The following SEPTIN9 variants were observed in gnomAD, a reference collection of about 807,000 sequenced individuals.
SEPTIN9 encodes the protein septin-9.
A neutral mutation model predicts 56.6 loss-of-function variants in SEPTIN9; 13 were observed. The observed-to-expected ratio is 0.23, with a 90% CI of 0.15 to 0.37. SEPTIN9 has a LOEUF of 0.37. Ranked by LOEUF, SEPTIN9 falls within the 10% of genes least tolerant of loss-of-function variation. The probability of loss-of-function intolerance (pLI) is 1.00; values close to 1 mark genes in which losing one functional copy is unlikely to be tolerated. For missense variants in SEPTIN9, 650 were observed against 823.1 expected (o/e 0.79, Z 2.57); for synonymous variants, 332 against 334.1 (o/e 0.99, Z 0.07).
At chr17:77,355,626 C>T (rs1202538997) in intron 2 of SEPTIN9, among the ~76,000 whole-genome samples, 2 of 152,090 alleles carry the variant, frequency 1.3e-5, no homozygotes, top group African/African-American at 2.4e-5. Context: ...CCGTGGCTGC[C>T]GCATCTGAAA....
In SEPTIN9 at chr17:77,405,437, G is replaced by A. The variant is rs377317188; in HGVS notation, c.721+2734G>A. On this transcript the variant is annotated intron_variant, in intron 3 of 11. Transcript: ENST00000427177. The surrounding 1 kb of genome is among the most constrained non-coding windows in gnomAD (Gnocchi z 5.8). ...CAGGAACCTGGCGCTCTGGGGGGAC[G>A]GTGGCTTTCTCCATGGAATAGGATG... 1.1e-4 allele frequency among the ~76,000 whole-genome samples: 16 copies of A among 152,276 alleles called. No homozygotes were observed. The highest frequency in any genetic ancestry group is 3.4e-3 in the Middle Eastern group (1 of 294).
intron 2 of SEPTIN9, among the ~76,000 whole-genome samples, chr17:77,370,526 G>T (rs897212868): frequency 1.3e-5 from 2 of 152,164 alleles, no homozygotes; most frequent in African/African-American, 4.8e-5. Flanking sequence ...CTTTGTTTTG[G>T]GGGGGATCAC....
At chr17:77,417,177 T>C (rs562074573) in intron 3 of SEPTIN9, among the ~76,000 whole-genome samples, 76 of 152,342 alleles carry the variant, frequency 5.0e-4, no homozygotes, top group African/African-American at 1.6e-3. Context: ...GGAAGTGTAC[T>C]CATGTGCCCA....
intron 1 of SEPTIN9, among the ~76,000 whole-genome samples, chr17:77,300,042 GC>G (rs1156479791): frequency 6.6e-6 from 1 of 152,222 alleles, no homozygotes; most frequent in Non-Finnish European, 1.5e-5. Flanking sequence ...AGCTGGTGGT[GC>G]CCCTTCCGCT....
At chr17:77,293,968 G>T (rs1217172163) in intron 1 of SEPTIN9, among the ~76,000 whole-genome samples, 2 of 152,020 alleles carry the variant, frequency 1.3e-5, no homozygotes, top group Non-Finnish European at 2.9e-5. Context: ...GCAGGGCATG[G>T]TGGCATACAC....
chr17:77,357,031 G>A (rs575349180), intron 2 of SEPTIN9, among the ~76,000 whole-genome samples: 9 of 151,868 alleles, frequency 5.9e-5, no homozygotes, highest in African/African-American at 2.2e-4. Flanking sequence ...TCAACCTGGT[G>A]GCTGGGCTGT....
rs574194130 is a variant in SEPTIN9 at position 77,317,566 on chromosome 17, C to T, written c.76+10369C>T. On this transcript the variant is annotated intron_variant, in intron 2 of 11. Coordinates refer to ENST00000427177, the MANE Select transcript of SEPTIN9 (RefSeq NM_001113491.2). The surrounding 1 kb of genome is among the most constrained non-coding windows in gnomAD (Gnocchi z 4.2). The stretch of plus-strand genomic sequence containing the variant: ...GATCTGTCACCGTCTCCCATCACCA[C>T]CAGATGGGACCGTCTGGTTGCAGGA... Among the ~76,000 whole-genome samples the T allele has an allele frequency of 1.2e-4, 18 of 152,260 alleles. No individual in the cohort carries two copies. The highest frequency in any genetic ancestry group is 4.3e-4 in the African/African-American group (18 of 41,538).
intron 2 of SEPTIN9, among the ~76,000 whole-genome samples, chr17:77,378,284 G>A (rs569639052): frequency 5.0e-4 from 76 of 152,280 alleles, no homozygotes; most frequent in African/African-American, 1.8e-3. Flanking sequence ...AGGAGTGAGG[G>A]GTATGGCAGT....
At chr17:77,347,689 C>G (rs1210332664) in intron 2 of SEPTIN9, among the ~76,000 whole-genome samples, 1 of 151,848 alleles carries the variant, frequency 6.6e-6, no homozygotes. Context: ...GTTTGACTTA[C>G]AGTTTTTCAA....
At chr17:77,320,195 C>A in intron 2 of SEPTIN9, 1 of 1,596,070 alleles carries the variant, frequency 6.3e-7, no homozygotes, top group Non-Finnish European at 8.5e-7. Flanking sequence ...TTAGACCAGA[C>A]AAAGAGTGTT....
intron 2 of SEPTIN9, among the ~76,000 whole-genome samples, chr17:77,366,343 G>A (rs2034570489): frequency 6.6e-6 from 1 of 152,208 alleles, no homozygotes; most frequent in Admixed American, 6.5e-5. Context: ...GCTGGAGTAG[G>A]AACAGGAGTA....
chr17:77,378,702 C>T (rs1598279072), intron 2 of SEPTIN9, among the ~76,000 whole-genome samples: 2 of 152,268 alleles, frequency 1.3e-5, no homozygotes, highest in African/African-American at 2.4e-5. Context: ...TCCCTCTGAG[C>T]CCGACAGGTA....
chr17:77,361,857 C>T (rs1268048440), intron 2 of SEPTIN9, among the ~76,000 whole-genome samples: 2 of 152,182 alleles, frequency 1.3e-5, no homozygotes, highest in Non-Finnish European at 2.9e-5. Context: ...TGGTCTCGAT[C>T]TCTTGACCTC....
intron 3 of SEPTIN9, among the ~76,000 whole-genome samples, chr17:77,460,258 G>A (rs541713483): frequency 1.3e-5 from 2 of 152,144 alleles, no homozygotes; most frequent in Non-Finnish European, 2.9e-5. Flanking sequence ...ATGACTCAGG[G>A]ATGGGAGGCT....
At position 77,438,060 on chromosome 17, in the gene SEPTIN9, G is replaced by A. The variant is rs570689744; in HGVS notation, c.721+35357G>A. Among the ~76,000 whole-genome samples, 6 of 152,378 alleles carry A rather than the reference G, an allele frequency of 3.9e-5. No individual in the cohort carries two copies. The East Asian group carries it at 1.2e-3, about 29-fold the overall frequency. On this transcript the variant is annotated intron_variant, in intron 3 of 11. Transcript: ENST00000427177. ...CGTGTGGGCCGGGGCTTTCAGAGGG[G>A]CTGAGGGCTTGGATGGCCCTGCAGG...
chr17:77,465,495 T>C (rs926203021), intron 3 of SEPTIN9, among the ~76,000 whole-genome samples: 6 of 152,154 alleles, frequency 3.9e-5, no homozygotes, highest in Non-Finnish European at 8.8e-5. Context: ...TGCTGTGCTC[T>C]GAGGTTGTCT....
Position 77,369,997 on chromosome 17 carries a change from T to TC in SEPTIN9, c.77-32058dup, listed in dbSNP as rs1007963561. Among the ~76,000 whole-genome samples, 29 of 152,334 alleles carry TC rather than the reference T, an allele frequency of 1.9e-4. No individual in the cohort carries two copies. Among genetic ancestry groups the TC allele is most frequent in the African/African-American group, 6.7e-4 (28 of 41,580 alleles). On this transcript the variant is annotated intron_variant, in intron 2 of 11. Coordinates refer to ENST00000427177, the MANE Select transcript of SEPTIN9 (RefSeq NM_001113491.2). The surrounding 1 kb of genome is among the most constrained non-coding windows in gnomAD (Gnocchi z 4.9). ...GGGTTTCCTATGGCTCTCTTCCCTG[T>TC]CCCCATCCCCCTTCCCTTGGGACAG...
Position 77,451,632 on chromosome 17 carries a change from G to A in SEPTIN9, c.722-30512G>A, listed in dbSNP as rs1455410562. On this transcript the variant is annotated intron_variant, in intron 3 of 11. Coordinates refer to ENST00000427177, the MANE Select transcript of SEPTIN9 (RefSeq NM_001113491.2). The surrounding 1 kb of genome is among the most constrained non-coding windows in gnomAD (Gnocchi z 4.2). ...CCCTGATGGCCATGGTGGCGGTGCC[G>A]GGAGCCACGCTGTCCCTGGGCCCCG... 8.1e-6 allele frequency: 7 copies of A among 868,052 alleles called. No individual in the cohort carries two copies. The highest frequency in any genetic ancestry group is 8.3e-6 in the Non-Finnish European group (6 of 722,658). 53.8% of individuals were successfully genotyped at this position (868,052 alleles called of 1,614,324 possible).
intron 3 of SEPTIN9, chr17:77,472,730 G>A (rs2039054866): frequency 6.6e-6 from 1 of 152,224 alleles, no homozygotes; most frequent in Non-Finnish European, 1.5e-5. Flanking sequence ...AGGAGGGGAA[G>A]GCAGAGTCTC....
Sources: gnomAD v4.1 joint callset for allele counts (sites outside exome capture counted in the v4.1 genomes callset) on GRCh38, gnomAD v4.1.1 for gene constraint, Gnocchi (gnomAD v3.1) non-coding constraint, MANE v1.5 for transcripts, NCBI Gene and HGNC (gene_info 2026-07-23, HGNC 2026-07-21) for gene names.